Variants in AFAP1L2 observed in about 807,000 individuals in gnomAD.
AFAP1L2 encodes actin filament associated protein 1 like 2.
A neutral mutation model predicts 99.3 loss-of-function variants in AFAP1L2; 46 were observed. The observed-to-expected ratio is 0.46, with a 90% CI of 0.37 to 0.59. AFAP1L2 has a LOEUF of 0.59. Ranked by LOEUF, AFAP1L2 falls within the 20% of genes least tolerant of loss-of-function variation. The pLI is 0.00. For missense variants in AFAP1L2, 959 were observed against 1,034.9 expected, an observed-to-expected ratio of 0.93 and a Z score of 1.01; for synonymous variants, 397 against 419.1, an observed-to-expected ratio of 0.95 and a Z score of 0.64.
chr10:114,354,016 C>G (rs2050936716), intron 1 of AFAP1L2, among the ~76,000 whole-genome samples: 1 of 152,108 alleles, frequency 6.6e-6, no homozygotes, highest in Non-Finnish European at 1.5e-5. Flanking sequence ...ATGGGAGATA[C>G]AAGAGTGGAA....
intron 4 of AFAP1L2, among the ~76,000 whole-genome samples, chr10:114,324,572 T>G (rs928962855): frequency 6.6e-5 from 10 of 152,250 alleles, no homozygotes; most frequent in Admixed American, 5.2e-4. Context: ...ATCATGAAAC[T>G]CCATGGGAAT....
chr10:114,403,978 C>G (rs557707015), intron 1 of AFAP1L2, among the ~76,000 whole-genome samples: 1 of 152,338 alleles, frequency 6.6e-6, no homozygotes, highest in South Asian at 2.1e-4. Flanking sequence ...ACTGCCCAAG[C>G]GCTTTGCCGG....
chr10:114,310,527 G>A (rs904775977), intron 7 of AFAP1L2, 84 bp from the exon 8 acceptor site: 7 of 1,255,498 alleles, frequency 5.6e-6, no homozygotes, highest in East Asian at 4.7e-5. Flanking sequence ...GCCCCTGCAG[G>A]TCAGGGGAGA....
Position 114,315,707 on chromosome 10 carries a change from C to T in AFAP1L2, c.465G>A (p.Lys155=), listed in dbSNP as rs1564842596. Residue 155 remains lysine (K), a synonymous_variant, in exon 6 of 19, where the codon AAG becomes AAA. Transcript: ENST00000304129. ...YESYDEEDGS[K]GKSAPYQWPS... is the part of the protein sequence containing the mutation. The stretch of plus-strand genomic sequence containing the variant: ...GCCACTGGTAAGGGGCCGACTTGCC[C>T]TTGCTGCCGTCCTCTTCATCGTAGG... The T allele has an allele frequency of 1.2e-6, 2 of 1,613,558 alleles. No homozygotes were observed. Among genetic ancestry groups the T allele is most frequent in the East Asian group, 2.2e-5 (1 of 44,898 alleles).
Position 114,323,222 on chromosome 10 carries a change from A to C in AFAP1L2, c.355T>G (p.Ser119Ala), listed in dbSNP as rs780140482. The C allele has an allele frequency of 1.2e-6, 2 of 1,602,966 alleles. No individual in the cohort carries two copies. The highest frequency in any genetic ancestry group is 8.5e-7 in the Non-Finnish European group (1 of 1,174,128). ...RKQLAIPKTE[S>A]PEGYYEEAEP... is the part of the protein sequence containing the mutation. ...GCCTCTTCATAGTAGCCCTCTGGAG[A>C]CTCCGTCTTTGGGATGGCAAGCTGT... Residue 119 changes from serine (S) to alanine (A), a missense_variant, in exon 5 of 19, where the codon TCT becomes GCT. Transcript: ENST00000304129.
chr10:114,343,623 A>C (rs903967983), intron 1 of AFAP1L2, among the ~76,000 whole-genome samples: 3 of 152,216 alleles, frequency 2.0e-5, no homozygotes, highest in African/African-American at 7.2e-5. Context: ...CAGGTAGTTA[A>C]GTGTTTGCAC....
chr10:114,396,018 G>A (rs2138212920), intron 1 of AFAP1L2, among the ~76,000 whole-genome samples: 1 of 152,332 alleles, frequency 6.6e-6, no homozygotes, highest in East Asian at 1.9e-4. Context: ...CTATGAGTCT[G>A]TAATTCTTCC....
downstream of AFAP1L2, chr10:114,291,103 G>A (rs2039550800): frequency 1.6e-6 from 2 of 1,216,244 alleles, no homozygotes; most frequent in East Asian, 2.6e-5. Flanking sequence ...TCTTCTGCTG[G>A]GGGCGAGGTG....
At chr10:114,297,501 C>T in intron 16 of AFAP1L2, 88 bp from the exon 17 acceptor site, 2 of 1,374,050 alleles carry the variant, frequency 1.5e-6, no homozygotes, top group South Asian at 2.7e-5. Flanking sequence ...TCTACATACC[C>T]CGCCACCCGA....
chr10:114,294,683 T>TATC (rs1409023609), downstream of AFAP1L2: 4 of 420,052 alleles, frequency 9.5e-6, no homozygotes, highest in Non-Finnish European at 1.3e-5. Context: ...CTTTCAGCCT[T>TATC]ATCTATGCTC....
In AFAP1L2 at chr10:114,401,414, C is replaced by T. The variant is rs148621698; in HGVS notation, c.16+3026G>A. Among the ~76,000 whole-genome samples the T allele has an allele frequency of 5.9e-3, 893 of 152,318 alleles. 2 individuals carry two copies. The highest frequency in any genetic ancestry group is 0.014 in the Middle Eastern group (4 of 294). ...GCTCATGCACAGCGATAAAAGGATG[C>T]TCTTATGAGAGTCATAAATATGTAA... is the stretch of plus-strand genomic sequence containing the variant. On this transcript the variant is annotated intron_variant, in intron 1 of 18. Transcript: ENST00000304129.
At chr10:114,363,196 C>G in intron 1 of AFAP1L2, 1 of 983,402 alleles carries the variant, frequency 1.0e-6, no homozygotes, top group Non-Finnish European at 1.2e-6. Flanking sequence ...AGAGGCAACT[C>G]TTGAAATGTA....
intron 4 of AFAP1L2, 46 bp from the exon 5 acceptor site, chr10:114,323,307 T>C (rs1476072619): frequency 6.6e-7 from 1 of 1,503,808 alleles, no homozygotes; most frequent in Non-Finnish European, 9.1e-7. Flanking sequence ...TATGGTACAC[T>C]GGGAGCAACT....
chr10:114,398,808 C>T, intron 1 of AFAP1L2: 1 of 1,303,252 alleles, frequency 7.7e-7, no homozygotes, highest in South Asian at 1.2e-5. Context: ...GCCCTGGAGG[C>T]CAGGTGAGCT....
At chr10:114,341,388 T>G (rs981605068) in intron 1 of AFAP1L2, among the ~76,000 whole-genome samples, 4 of 151,322 alleles carry the variant, frequency 2.6e-5, no homozygotes, top group African/African-American at 9.7e-5. Flanking sequence ...CTGAGGCGGG[T>G]GGATCACAAG....
At chr10:114,390,746 C>T (rs1016784465) in intron 1 of AFAP1L2, among the ~76,000 whole-genome samples, 36 of 138,320 alleles carry the variant, frequency 2.6e-4, no homozygotes, top group Non-Finnish European at 4.2e-4. Context: ...AAAAAAAAAT[C>T]CTACCTTCCA....
chr10:114,311,572 C>A (rs908036022), intron 7 of AFAP1L2, among the ~76,000 whole-genome samples: 1 of 152,218 alleles, frequency 6.6e-6, no homozygotes, highest in Non-Finnish European at 1.5e-5. Flanking sequence ...TGGGTCAATA[C>A]CTTTGCCACG....
chr10:114,400,014 T>C (rs1206708756), intron 1 of AFAP1L2, among the ~76,000 whole-genome samples: 1 of 152,254 alleles, frequency 6.6e-6, no homozygotes, highest in African/African-American at 2.4e-5. Context: ...AAATGAAGCC[T>C]GTGGGTCTCC....
chr10:114,358,075 T>G (rs531852793), intron 1 of AFAP1L2, among the ~76,000 whole-genome samples: 8 of 152,306 alleles, frequency 5.3e-5, no homozygotes, highest in Admixed American at 2.6e-4. Context: ...CAAAGTGAAG[T>G]TGAATTAGAA....
Sources: allele counts gnomAD v4.1 joint callset (sites outside exome capture counted in the v4.1 genomes callset), GRCh38; gene constraint gnomAD v4.1.1; transcripts MANE v1.5; gene names NCBI Gene and HGNC (gene_info 2026-07-23, HGNC 2026-07-21).